Variants in ADCY10 observed in about 807,000 individuals in gnomAD.
The protein encoded by ADCY10 is adenylate cyclase 10, also known as adenylate cyclase type 10.
A neutral mutation model predicts 183.3 loss-of-function variants in ADCY10; 156 were observed. The ratio of observed to expected loss-of-function variants is 0.85; its 90% CI spans 0.75 to 0.97. The LOEUF (loss-of-function observed/expected upper bound fraction) is 0.97. Ranked by LOEUF, ADCY10 falls within the 50% of genes least tolerant of loss-of-function variation. The pLI is 0.00. For missense variants in ADCY10, 1,745 were observed against 1,934.3 expected, an observed-to-expected ratio of 0.90 and a Z score of 1.84; for synonymous variants, 645 against 670.0, an observed-to-expected ratio of 0.96 and a Z score of 0.58.
chr1:167,866,811 C>T lies in ADCY10; in HGVS notation c.1616+3446G>A, dbSNP rs572079768. Among the ~76,000 whole-genome samples the T allele has an allele frequency of 3.3e-5, 5 of 149,932 alleles. No individual in the cohort carries two copies. In the East Asian group the frequency reaches 7.9e-4, roughly 24 times the overall value. On this transcript the variant is annotated intron_variant, in intron 14 of 32. Transcript: ENST00000367851. Reference sequence around the variant, plus strand: ...AAAAAAATGGCAGTTGGAGTTTTAACCCAGACTGTAGGGCTCTGGCCAAGG... The same window carrying T: ...AAAAAAATGGCAGTTGGAGTTTTAATCCAGACTGTAGGGCTCTGGCCAAGG...
intron 13 of ADCY10, among the ~76,000 whole-genome samples, chr1:167,873,955 C>G (rs553933983): frequency 1.3e-5 from 2 of 152,154 alleles, no homozygotes; most frequent in Non-Finnish European, 2.9e-5. Context: ...AAGGACCCAT[C>G]TCTAGAATGT....
chr1:167,859,218 G>C (rs534140855), intron 16 of ADCY10, among the ~76,000 whole-genome samples: 12 of 152,296 alleles, frequency 7.9e-5, no homozygotes, highest in African/African-American at 2.9e-4. Flanking sequence ...TTATAAGAGA[G>C]GTGGGGACTG....
intron 16 of ADCY10, among the ~76,000 whole-genome samples, chr1:167,859,183 G>T (rs1340589702): frequency 6.6e-6 from 1 of 152,172 alleles, no homozygotes; most frequent in Admixed American, 6.5e-5. Context: ...TATATACAAG[G>T]CTCTTAGGAA....
intron 31 of ADCY10, among the ~76,000 whole-genome samples, chr1:167,812,299 TCTCCACCCACC>T (rs1168816209): frequency 6.6e-6 from 1 of 152,132 alleles, no homozygotes; most frequent in Non-Finnish European, 1.5e-5. Flanking sequence ...TTTATTTTTT[TCTCCACCCACC>T]CTCCACCACC....
chr1:167,908,409 T>G (rs203779), intron 1 of ADCY10, among the ~76,000 whole-genome samples: 69,617 of 151,800 alleles, frequency 0.46, 18,289 homozygotes, highest in African/African-American at 0.72. Flanking sequence ...GTTGGGTGGG[T>G]GGAATGAGAT....
intron 6 of ADCY10, among the ~76,000 whole-genome samples, chr1:167,899,122 C>T (rs1209431496): frequency 1.3e-5 from 2 of 152,146 alleles, no homozygotes; most frequent in Non-Finnish European, 1.5e-5. Context: ...CTGGATGAAC[C>T]GGCAGACCCT....
In ADCY10 at chr1:167,825,566, G is replaced by A. The variant is rs900734178; in HGVS notation, c.3751-711C>T. ...AGGAGGCTGAGACGAGAGGTCACTTGAGCACAGGAGTTTGAGCCCAGCCTG... is the reference window on the plus strand; with the variant it reads ...AGGAGGCTGAGACGAGAGGTCACTTAAGCACAGGAGTTTGAGCCCAGCCTG... On this transcript the variant is annotated intron_variant, in intron 26 of 32. Transcript: ENST00000367851. Among the ~76,000 whole-genome samples the A allele has an allele frequency of 3.1e-4, 47 of 152,178 alleles. 1 individual carries two copies. Among genetic ancestry groups the A allele is most frequent in the Middle Eastern group, 3.4e-3 (1 of 294 alleles).
Position 167,810,713 on chromosome 1 carries a change from G to C in ADCY10, c.4671+12C>G, listed in dbSNP as rs569245191. ...GCATCGCCACCCCGGTTTGCTAGCT[G>C]ATGATACATACTTTGTTCATGTTCA... is the stretch of plus-strand genomic sequence containing the variant. On this transcript the variant is annotated intron_variant, in intron 32 of 32. Transcript: ENST00000367851. The C allele has an allele frequency of 1.8e-5, 29 of 1,614,030 alleles. No individual in the cohort carries two copies. In the East Asian group the frequency reaches 3.3e-4, roughly 19 times the overall value.
At chr1:167,822,868 C>A in intron 29 of ADCY10, 140 bp downstream of exon 29, 2 of 756,696 alleles carry the variant, frequency 2.6e-6, no homozygotes, top group Admixed American at 2.0e-5. Flanking sequence ...CTCACACAAC[C>A]AGCCTCTCTC....
intron 8 of ADCY10, among the ~76,000 whole-genome samples, chr1:167,893,310 G>T (rs1668725781): frequency 6.6e-6 from 1 of 152,128 alleles, no homozygotes; most frequent in Non-Finnish European, 1.5e-5. Flanking sequence ...ATTATATAAG[G>T]CAACGCAGTC....
chr1:167,866,347 G>A (rs1666684824), intron 14 of ADCY10, among the ~76,000 whole-genome samples: 1 of 152,092 alleles, frequency 6.6e-6, no homozygotes, highest in Non-Finnish European at 1.5e-5. Context: ...TTTAAAGCTT[G>A]AAATCAAATA....
chr1:167,843,424 T>C (rs1006145766), intron 21 of ADCY10, among the ~76,000 whole-genome samples: 2 of 152,022 alleles, frequency 1.3e-5, no homozygotes, highest in African/African-American at 4.8e-5. Context: ...CCCCTTTCCC[T>C]CATCTCTTTC....
chr1:167,878,706 T>G lies in ADCY10; in HGVS notation c.1217-71A>C, dbSNP rs538650363. Reference sequence around the variant, plus strand: ...TTGAACTGAATGTAATCTGAAACATTGTCCCCAAATAGCATTTTTACCCTT... The same window carrying G: ...TTGAACTGAATGTAATCTGAAACATGGTCCCCAAATAGCATTTTTACCCTT... On this transcript the variant is annotated intron_variant, in intron 11 of 32. Transcript: ENST00000367851. 155 of 1,476,842 alleles carry G rather than the reference T, an allele frequency of 1.0e-4. No individual in the cohort carries two copies. The African/African-American group carries it at 1.9e-3, about 18-fold the overall frequency. The allele number at this position is 1,476,842 out of a possible 1,614,324, so 91.5% of individuals were successfully genotyped here.
chr1:167,836,995 A>T (rs1285758762), intron 22 of ADCY10: 2 of 457,674 alleles, frequency 4.4e-6, no homozygotes, highest in Admixed American at 3.3e-5. Context: ...ATTGCACTCC[A>T]GCCTGGGTGA....
At chr1:167,860,362 T>C (rs1482479912) in intron 15 of ADCY10, among the ~76,000 whole-genome samples, 1 of 152,222 alleles carries the variant, frequency 6.6e-6, no homozygotes, top group Non-Finnish European at 1.5e-5. Flanking sequence ...GAGAATCTAA[T>C]GCTGCTGCTG....
chr1:167,904,081 G>GATTTTTT (rs1453303007), intron 2 of ADCY10, 90 bp from the exon 3 acceptor site: 5 of 501,766 alleles, frequency 1.0e-5, no homozygotes, highest in Non-Finnish European at 1.7e-5. Flanking sequence ...GCGGGCCTCA[G>GATTTTTT]CTTTTTTTTT....
At chr1:167,866,112 C>T (rs993531667) in intron 14 of ADCY10, among the ~76,000 whole-genome samples, 2 of 152,158 alleles carry the variant, frequency 1.3e-5, no homozygotes, top group Non-Finnish European at 2.9e-5. Flanking sequence ...CATCCCCAAG[C>T]GGATGTGTGG....
At position 167,848,365 on chromosome 1, in the gene ADCY10, T is replaced by G; in HGVS notation, c.2433A>C (p.Leu811Phe). The stretch of plus-strand genomic sequence containing the variant: ...CGCCCGGCCAGATTTTCTTACCTTT[T>G]AATGACGTTGGAGGTGACAGGTTTT... The part of the protein sequence containing the change: ...RLKNLSPPTS[L>F]KEISLIQLDS... Residue 811 changes from leucine to phenylalanine, a missense_variant, in exon 19 of 33, where the codon TTA becomes TTC. Coordinates refer to ENST00000367851, the MANE Select transcript of ADCY10 (RefSeq NM_018417.6). The G allele has an allele frequency of 6.2e-7, 1 of 1,613,828 alleles. No homozygotes were observed. Among genetic ancestry groups the G allele is most frequent in the Non-Finnish European group, 8.5e-7 (1 of 1,179,832 alleles).
intron 3 of ADCY10, among the ~76,000 whole-genome samples, chr1:167,903,306 G>A (rs1669571479): frequency 7.0e-6 from 1 of 142,892 alleles, no homozygotes; most frequent in South Asian, 2.3e-4. Flanking sequence ...GCTCTCACCT[G>A]TAATCCCAGC....
Sources: allele counts gnomAD v4.1 joint callset (sites outside exome capture counted in the v4.1 genomes callset), GRCh38; gene constraint gnomAD v4.1.1; transcripts MANE v1.5; gene names NCBI Gene and HGNC (gene_info 2026-07-23, HGNC 2026-07-21).